Variants in NOX4 observed in about 807,000 individuals in gnomAD.
NOX4 encodes kidney oxidase-1.
In NOX4, 69 loss-of-function variants were observed where a neutral mutation model predicts 87.6. That is an observed-to-expected ratio of 0.79 (90% CI 0.65 to 0.96). NOX4 has a LOEUF of 0.96. Ranked by LOEUF, NOX4 falls within the 40% of genes least tolerant of loss-of-function variation. The probability of loss-of-function intolerance (pLI) is 0.00; values close to 1 mark genes in which losing one functional copy is unlikely to be tolerated. For missense variants in NOX4, 680 were observed against 681.5 expected, an observed-to-expected ratio of 1.00 and a Z score of 0.02; for synonymous variants, 275 against 238.2, an observed-to-expected ratio of 1.15 and a Z score of -1.42.
intron 2 of NOX4, among the ~76,000 whole-genome samples, chr11:89,489,727 CAAA>C (rs35606793): frequency 8.4e-6 from 1 of 118,514 alleles, no homozygotes; most frequent in Non-Finnish European, 1.8e-5. Flanking sequence ...GACTCTGTCT[CAAA>C]AAAAAAAAAA....
the NOX4 span, among the ~76,000 whole-genome samples, chr11:89,585,255 G>T: frequency 1.3e-5 from 2 of 152,052 alleles, no homozygotes; most frequent in African/African-American, 4.8e-5. Flanking sequence ...GCTCAATGCT[G>T]CTCCTCCTGG....
chr11:89,354,475 T>A (rs317194), intron 13 of NOX4, among the ~76,000 whole-genome samples: 33,755 of 151,916 alleles, frequency 0.22, 8,224 homozygotes, highest in African/African-American at 0.61. Context: ...TCATTTCCCC[T>A]GTTTTCAATA....
At chr11:89,525,528 A>G in the NOX4 span, among the ~76,000 whole-genome samples, 1 of 151,652 alleles carries the variant, frequency 6.6e-6, no homozygotes, top group South Asian at 2.1e-4. Context: ...TTTCTTTTAT[A>G]ATGTTTCTTA....
intron 11 of NOX4, among the ~76,000 whole-genome samples, chr11:89,377,730 C>CA (rs1939962343): frequency 1.3e-5 from 2 of 151,910 alleles, no homozygotes; most frequent in Admixed American, 6.6e-5. Flanking sequence ...AAAATGATTC[C>CA]AAAATAGCAA....
Position 89,490,570 on chromosome 11 carries a change from T to C in NOX4, c.58-17A>G, listed in dbSNP as rs761843511. The C allele has an allele frequency of 6.9e-6, 11 of 1,598,892 alleles. No individual in the cohort carries two copies. The East Asian group carries it at 2.2e-4, about 32-fold the overall frequency. ...CCAGATGAACTAAACCAATCAGACA[T>C]GAGAGACAGAAAACAAAAATTGAAA... On this transcript the variant is annotated splice_polypyrimidine_tract_variant and intron_variant, in intron 1 of 17. Transcript: ENST00000263317.
chr11:89,575,042 C>A, the NOX4 span, among the ~76,000 whole-genome samples: 1 of 152,028 alleles, frequency 6.6e-6, no homozygotes, highest in Non-Finnish European at 1.5e-5. Context: ...GATTAGCCAA[C>A]CGTGGTGGCA....
chr11:89,440,938 C>G (rs917784253), intron 5 of NOX4, among the ~76,000 whole-genome samples: 2 of 152,086 alleles, frequency 1.3e-5, no homozygotes, highest in Admixed American at 6.6e-5. Context: ...CCATCTGAGG[C>G]AAAATACTGG....
At chr11:89,354,114 G>A (rs978298911) in intron 13 of NOX4, among the ~76,000 whole-genome samples, 2 of 152,160 alleles carry the variant, frequency 1.3e-5, no homozygotes, top group African/African-American at 4.8e-5. Flanking sequence ...AACTCTCAAA[G>A]CGATGAAAGA....
At chr11:89,438,437 C>T (rs1333816493) in intron 6 of NOX4, among the ~76,000 whole-genome samples, 1 of 99,922 alleles carries the variant, frequency 1.0e-5, no homozygotes, top group African/African-American at 4.3e-5. Context: ...ATAATATATA[C>T]TATGTATATT....
rs560651900 is a variant in NOX4, at chr11:89,347,351, C to T, written c.1218-5158G>A. 2.6e-5 allele frequency among the ~76,000 whole-genome samples: 4 copies of T among 152,348 alleles called. No homozygotes were observed. In the South Asian group the frequency reaches 8.3e-4, roughly 32 times the overall value. On this transcript the variant is annotated intron_variant, in intron 13 of 17. Transcript: ENST00000263317. ...AGCCCACATGGCAGAGCCTTTCCCCCTGCCCTGAGGCAAGCAATTGCTTTG... is the reference window on the plus strand; with the variant it reads ...AGCCCACATGGCAGAGCCTTTCCCCTTGCCCTGAGGCAAGCAATTGCTTTG...
At chr11:89,463,208 T>G (rs1016533178) in intron 2 of NOX4, among the ~76,000 whole-genome samples, 1 of 151,948 alleles carries the variant, frequency 6.6e-6, no homozygotes, top group African/African-American at 2.4e-5. Context: ...TTAATAATAA[T>G]AGGAACACTA....
upstream of NOX4, chr11:89,492,232 A>G (rs1337727317): frequency 6.6e-6 from 1 of 152,184 alleles, no homozygotes; most frequent in Admixed American, 6.5e-5. Context: ...GCAACAAATC[A>G]GTATTAGAAA....
chr11:89,326,739 C>G lies in NOX4; in HGVS notation c.*17G>C, dbSNP rs767548785. ...CACTCATTCCTTCTTTAGAGTCCTG[C>G]TTCATGGCAAAAGTTTTCAGCTGAA... On this transcript the variant is annotated 3_prime_UTR_variant, in exon 18 of 18. Transcript: ENST00000263317. 5 of 1,611,054 alleles carry G rather than the reference C, an allele frequency of 3.1e-6. No individual in the cohort carries two copies. Among genetic ancestry groups the G allele is most frequent in the Non-Finnish European group, 4.2e-6 (5 of 1,178,348 alleles).
At chr11:89,435,649 G>A (rs935650522) in intron 6 of NOX4, among the ~76,000 whole-genome samples, 4 of 151,912 alleles carry the variant, frequency 2.6e-5, no homozygotes, top group Non-Finnish European at 5.9e-5. Flanking sequence ...AAAACATATT[G>A]GAAAGACTTA....
chr11:89,370,163 C>A (rs1174182712), intron 12 of NOX4, among the ~76,000 whole-genome samples: 2 of 151,882 alleles, frequency 1.3e-5, no homozygotes, highest in East Asian at 3.9e-4. Flanking sequence ...ATGGCCCTGT[C>A]TTCTCATTTT....
chr11:89,525,667 A>G, the NOX4 span, among the ~76,000 whole-genome samples: 3 of 151,872 alleles, frequency 2.0e-5, no homozygotes, highest in Non-Finnish European at 4.4e-5. Flanking sequence ...CCATTTTGTA[A>G]CTTGTCTTTT....
chr11:89,531,268 C>A, the NOX4 span, among the ~76,000 whole-genome samples: 1 of 152,102 alleles, frequency 6.6e-6, no homozygotes, highest in Non-Finnish European at 1.5e-5. Flanking sequence ...TTCTATGAGG[C>A]CCCCTGAGGC....
In NOX4 at chr11:89,335,962, A is replaced by G; in HGVS notation, c.1516-17T>C. The G allele has an allele frequency of 6.8e-7, 1 of 1,472,396 alleles. No individual in the cohort carries two copies. The allele number at this position is 1,472,396 out of a possible 1,614,324, so 91.2% of individuals were successfully genotyped here. A position where few individuals can be genotyped will look rare whatever the true frequency, so the allele number is the denominator to read the frequency against. On this transcript the variant is annotated splice_polypyrimidine_tract_variant and intron_variant, in intron 16 of 17. Transcript: ENST00000263317. Reference sequence around the variant, plus strand: ...AATTATCTTCTGCCAAAAAGAAAGCACTACATTATTCGATATTTAGTTAAG... The same window carrying G: ...AATTATCTTCTGCCAAAAAGAAAGCGCTACATTATTCGATATTTAGTTAAG...
intron 11 of NOX4, among the ~76,000 whole-genome samples, chr11:89,398,473 C>G (rs1478400248): frequency 6.6e-6 from 1 of 151,782 alleles, no homozygotes; most frequent in South Asian, 2.1e-4. Flanking sequence ...CCAGGGCAAT[C>G]TGAAGTAAAT....
Sources: gnomAD v4.1 joint callset for allele counts (sites outside exome capture counted in the v4.1 genomes callset) on GRCh38, gnomAD v4.1.1 for gene constraint, MANE v1.5 for transcripts, NCBI Gene and HGNC (gene_info 2026-07-23, HGNC 2026-07-21) for gene names.